The following MON2 variants were observed in gnomAD, a reference collection of about 807,000 sequenced individuals.
The protein encoded by MON2 is MON2 regulator of endosome-to-Golgi trafficking, also known as protein MON2 homolog.
A neutral mutation model predicts 208.6 loss-of-function variants in MON2; 84 were observed. The observed-to-expected ratio is 0.40, with a 90% CI of 0.34 to 0.48. MON2 has a LOEUF of 0.48. MON2 is among the 20% of genes least tolerant of loss of function. The pLI is 0.59. For missense variants in MON2, 1,611 were observed against 2,015.4 expected (o/e 0.80, Z 3.84); for synonymous variants, 660 against 694.0 (o/e 0.95, Z 0.77).
intron 1 of MON2, among the ~76,000 whole-genome samples, chr12:62,471,508 T>C (rs559640276): frequency 6.6e-6 from 1 of 152,338 alleles, no homozygotes; most frequent in South Asian, 2.1e-4. Context: ...TTAAGATTTA[T>C]GTGTGACATC....
In MON2 at chr12:62,532,660, T is replaced by G; in HGVS notation, c.1623T>G (p.Asp541Glu). 6.2e-7 allele frequency: 1 copy of G among 1,609,276 alleles called. No homozygotes were observed. Among genetic ancestry groups the G allele is most frequent in the Non-Finnish European group, 8.5e-7 (1 of 1,175,674 alleles). The change falls in exon 12 of 35, where the codon GAT (aspartate) becomes GAG (glutamate). Residue 541 changes from aspartate to glutamate, a missense_variant. By Grantham distance (45) the Asp-to-Glu change is conservative (BLOSUM62 2). Transcript: ENST00000393630. ...QDLQSTSDQMDKEIVSRAVWE... is the reference protein window; with the variant it reads ...QDLQSTSDQMEKEIVSRAVWE... ...TACAGTCAACATCAGACCAAATGGA[T>G]AAGGAAATTGGTATGAGTCTGTATT...
intron 4 of MON2, 93 bp from the exon 5 acceptor site, chr12:62,498,826 G>A (rs773026029): frequency 1.5e-6 from 2 of 1,300,700 alleles, no homozygotes; most frequent in Non-Finnish European, 2.1e-6. Flanking sequence ...TTTCCATAAT[G>A]GTGATTGAAA....
intron 1 of MON2, among the ~76,000 whole-genome samples, chr12:62,475,747 T>C (rs757830165): frequency 1.9e-3 from 276 of 146,448 alleles, no homozygotes; most frequent in Non-Finnish European, 1.6e-3. Context: ...CAGTGGCTCA[T>C]GCCTGTAATC....
At chr12:62,531,890 C>G (rs1332514223) in intron 11 of MON2, among the ~76,000 whole-genome samples, 2 of 152,102 alleles carry the variant, frequency 1.3e-5, no homozygotes, top group African/African-American at 4.8e-5. Flanking sequence ...CTGCCTCAGC[C>G]TCCCGAGTAG....
chr12:62,566,008 C>A lies in MON2; in HGVS notation c.4177-6C>A. On this transcript the variant is annotated splice_region_variant and splice_polypyrimidine_tract_variant and intron_variant, in intron 27 of 34. Coordinates refer to ENST00000393630, the MANE Select transcript of MON2 (RefSeq NM_015026.3). ...TTTGTCTTGCAACACAATGGAATCA[C>A]AATAGATCCAACTATTTGCACCGGT... 6.2e-7 allele frequency: 1 copy of A among 1,610,034 alleles called. No homozygotes were observed. Among genetic ancestry groups the A allele is most frequent in the Non-Finnish European group, 8.5e-7 (1 of 1,177,964 alleles).
intron 25 of MON2, among the ~76,000 whole-genome samples, chr12:62,557,197 A>G (rs117635073): frequency 0.023 from 3,529 of 152,364 alleles, 69 homozygotes; most frequent in Non-Finnish European, 0.036. Flanking sequence ...CACAAAGTGC[A>G]TGTCTTAGTG....
In MON2 at chr12:62,535,530, A is replaced by G; in HGVS notation, c.1721A>G (p.Asp574Gly). The stretch of plus-strand genomic sequence containing the variant: ...ATAAAATACTTTCTTTTCAGCACAG[A>G]TGAAGCTGCCACTGAGAATATTTTA... The part of the protein sequence containing the change: ...ALSLLLDAST[D>G]EAATENILKA... Residue 574 changes from aspartate to glycine, a missense_variant, in exon 14 of 35, where the codon GAT becomes GGT. By Grantham distance (94) the Asp-to-Gly change is moderately conservative. Transcript: ENST00000393630. The G allele has an allele frequency of 6.2e-7, 1 of 1,602,878 alleles. No homozygotes were observed. The highest frequency in any genetic ancestry group is 8.5e-7 in the Non-Finnish European group (1 of 1,176,150).
rs1303803079 is a variant in MON2 at position 62,534,534 on chromosome 12, AAAAAAAAAATATAT to A, written c.1634-309_1634-296del. Among the ~76,000 whole-genome samples, 71 of 46,780 alleles carry A rather than the reference AAAAAAAAAATATAT, an allele frequency of 1.5e-3. 1 individual carries two copies. Among genetic ancestry groups the A allele is most frequent in the Admixed American group, 3.3e-3 (12 of 3,684 alleles). The allele number at this position is 46,780 out of a possible 152,430, so 30.7% of individuals were successfully genotyped here. A position where few individuals can be genotyped will look rare whatever the true frequency, so the allele number is the denominator to read the frequency against. On this transcript the variant is annotated intron_variant, in intron 12 of 34. Coordinates refer to ENST00000393630, the MANE Select transcript of MON2 (RefSeq NM_015026.3). ...ACTCCATCGCAAAAAAAAAAAAAAA[AAAAAAAAAATATAT>A]ATATATATATATATATATATTTTAT...
chr12:62,503,593 A>G (rs1304220757), intron 7 of MON2, among the ~76,000 whole-genome samples: 1 of 152,208 alleles, frequency 6.6e-6, no homozygotes, highest in African/African-American at 2.4e-5. Flanking sequence ...TATCAGACTA[A>G]AAGATGAAGT....
intron 34 of MON2, among the ~76,000 whole-genome samples, chr12:62,590,468 A>G (rs1391427759): frequency 6.6e-6 from 1 of 152,216 alleles, no homozygotes; most frequent in East Asian, 1.9e-4. Flanking sequence ...ACATGGTCCA[A>G]AAATCCAAAA....
In MON2 at chr12:62,565,258, A is replaced by C; in HGVS notation, c.4054A>C (p.Asn1352His). ...LQKAICVGPENMQIMYPAIFD... is the reference protein window; with the variant it reads ...LQKAICVGPEHMQIMYPAIFD... ...ATAGGCCATTTGTGTAGGACCAGAA[A>C]ACATGCAGATAATGTATCCAGCTAT... The change falls in exon 27 of 35, where the codon AAC becomes CAC. Residue 1352 changes from asparagine to histidine, a missense_variant. Transcript: ENST00000393630. 1 of 1,612,732 alleles carries C rather than the reference A, an allele frequency of 6.2e-7. No individual in the cohort carries two copies. Among genetic ancestry groups the C allele is most frequent in the Non-Finnish European group, 8.5e-7 (1 of 1,179,288 alleles).
In MON2 at chr12:62,579,012, G is replaced by T. The variant is rs574478314; in HGVS notation, c.4575+507G>T. On this transcript the variant is annotated intron_variant, in intron 31 of 34. Coordinates refer to ENST00000393630, the MANE Select transcript of MON2 (RefSeq NM_015026.3). Reference sequence around the variant, plus strand: ...GTGCTTTGAGAGGCTGAGGCAGGAGGATTGCTTGAGACCAGGAGTTTGAGA... The same window carrying T: ...GTGCTTTGAGAGGCTGAGGCAGGAGTATTGCTTGAGACCAGGAGTTTGAGA... Among the ~76,000 whole-genome samples, 14 of 151,892 alleles carry T rather than the reference G, an allele frequency of 9.2e-5. No homozygotes were observed. The South Asian group carries it at 2.9e-3, about 32-fold the overall frequency.
rs1452248579 is a variant in MON2 at position 62,548,195 on chromosome 12, A to G, written c.2753+1123A>G. Among the ~76,000 whole-genome samples, 3 of 152,204 alleles carry G rather than the reference A, an allele frequency of 2.0e-5. No homozygotes were observed. The East Asian group carries it at 5.8e-4, about 29-fold the overall frequency. Reference sequence around the variant, plus strand: ...GTGACAGCAGCATGGAAGGGAAGGTAGGAAATGAGAATGGCTACAAGTGCT... The same window carrying G: ...GTGACAGCAGCATGGAAGGGAAGGTGGGAAATGAGAATGGCTACAAGTGCT... On this transcript the variant is annotated intron_variant, in intron 22 of 34. Coordinates refer to ENST00000393630, the MANE Select transcript of MON2 (RefSeq NM_015026.3).
chr12:62,533,039 T>C (rs1464707154), intron 12 of MON2, among the ~76,000 whole-genome samples: 1 of 152,354 alleles, frequency 6.6e-6, no homozygotes, highest in Middle Eastern at 3.4e-3. Context: ...TCCTTTTATG[T>C]GTTGAATTTA....
At chr12:62,589,762 AAAAG>A (rs1304667515) in intron 34 of MON2, among the ~76,000 whole-genome samples, 1 of 151,804 alleles carries the variant, frequency 6.6e-6, no homozygotes, top group African/African-American at 2.4e-5. Flanking sequence ...AAAAAAAAAA[AAAAG>A]AACCAGAATG....
chr12:62,496,066 T>C (rs1411779187), intron 4 of MON2, among the ~76,000 whole-genome samples: 1 of 152,190 alleles, frequency 6.6e-6, no homozygotes, highest in African/African-American at 2.4e-5. Context: ...TTATTATAAT[T>C]TGCATGGCTT....
intron 8 of MON2, among the ~76,000 whole-genome samples, chr12:62,523,223 T>C (rs2072154237): frequency 6.6e-6 from 1 of 152,212 alleles, no homozygotes; most frequent in African/African-American, 2.4e-5. Flanking sequence ...AGGTGTCATT[T>C]TGTTTAGAAA....
chr12:62,595,526 A>G lies in MON2; in HGVS notation c.*2777A>G, dbSNP rs927968441. On this transcript the variant is annotated 3_prime_UTR_variant, in exon 35 of 35. Transcript: ENST00000393630. ...TTATTCATATTGCTGGACAACAGAC[A>G]TATGCCACCAATTGTATGATTAATA... 5 of 152,208 alleles carry G rather than the reference A, an allele frequency of 3.3e-5. No individual in the cohort carries two copies. Among genetic ancestry groups the G allele is most frequent in the Admixed American group, 2.6e-4 (4 of 15,286 alleles). The allele number at this position is 152,208 out of a possible 1,614,324, so 9.4% of individuals were successfully genotyped here.
At chr12:62,534,272 G>A (rs1358056172) in intron 12 of MON2, among the ~76,000 whole-genome samples, 4 of 151,348 alleles carry the variant, frequency 2.6e-5, no homozygotes, top group African/African-American at 9.7e-5. Context: ...TGTAATCCCA[G>A]TAGTTTGGGA....
Sources: gnomAD v4.1 joint callset for allele counts (sites outside exome capture counted in the v4.1 genomes callset) on GRCh38, gnomAD v4.1.1 for gene constraint, MANE v1.5 for transcripts, NCBI Gene and HGNC (gene_info 2026-07-23, HGNC 2026-07-21) for gene names.